ZNF423: variants seen among roughly 807,000 people sequenced by gnomAD.
ZNF423 encodes zinc finger protein 423.
In ZNF423, 12 loss-of-function variants were observed where a neutral mutation model predicts 95.8. That is an observed-to-expected ratio of 0.13 (90% CI 0.08 to 0.20). The LOEUF is 0.20. ZNF423 is among the 10% of genes least tolerant of loss of function. The pLI, the probability that ZNF423 is intolerant of heterozygous loss-of-function variation, is 1.00. For synonymous variants in ZNF423, 749 were observed against 711.9 expected (o/e 1.05, Z -0.83); for missense variants, 1,316 against 1,737.1 (o/e 0.76, Z 4.31).
intron 1 of ZNF423, among the ~76,000 whole-genome samples, chr16:49,806,086 G>A (rs144770727): frequency 1.1e-4 from 17 of 152,378 alleles, no homozygotes; most frequent in Admixed American, 3.9e-4. Flanking sequence ...GCATGGTCTC[G>A]TTAACCAGAA....
chr16:49,759,767 G>C (rs1234971420), intron 2 of ZNF423, among the ~76,000 whole-genome samples: 1 of 152,190 alleles, frequency 6.6e-6, no homozygotes, highest in Non-Finnish European at 1.5e-5. Flanking sequence ...CATTCCAAGT[G>C]TAAAGTCCTT....
chr16:49,561,327 T>C (rs1350340764), intron 5 of ZNF423, among the ~76,000 whole-genome samples: 1 of 152,190 alleles, frequency 6.6e-6, no homozygotes, highest in African/African-American at 2.4e-5. Context: ...TTACCAACTA[T>C]ATTGTAACTA....
intron 3 of ZNF423, among the ~76,000 whole-genome samples, chr16:49,723,756 G>A (rs12923105): frequency 0.13 from 20,372 of 152,224 alleles, 1,722 homozygotes; most frequent in Non-Finnish European, 0.19. Context: ...AGTGAGGGAA[G>A]GATCCAATTT....
At chr16:49,818,273 G>A (rs113254437) in intron 1 of ZNF423, among the ~76,000 whole-genome samples, 155 of 152,266 alleles carry the variant, frequency 1.0e-3, no homozygotes, top group African/African-American at 3.4e-3. Context: ...AGATGCCCGG[G>A]CGCCCACAGA....
intron 5 of ZNF423, among the ~76,000 whole-genome samples, chr16:49,600,849 C>G (rs562194829): frequency 6.6e-6 from 1 of 152,196 alleles, no homozygotes; most frequent in Admixed American, 6.5e-5. Context: ...AAATCACCGT[C>G]GCTCAGGAGG....
intron 1 of ZNF423, among the ~76,000 whole-genome samples, chr16:49,835,739 G>A (rs192354448): frequency 3.9e-5 from 6 of 152,288 alleles, no homozygotes; most frequent in African/African-American, 1.2e-4. Flanking sequence ...AGGAGGTGGT[G>A]GGGGGGCAGA....
intron 4 of ZNF423, among the ~76,000 whole-genome samples, chr16:49,630,137 G>A (rs1398978669): frequency 6.6e-6 from 1 of 152,172 alleles, no homozygotes; most frequent in African/African-American, 2.4e-5. Context: ...TAGGTAAGTC[G>A]GGGGCAGGGT....
At chr16:49,507,960 G>A (rs1300535323) in intron 7 of ZNF423, among the ~76,000 whole-genome samples, 2 of 152,210 alleles carry the variant, frequency 1.3e-5, no homozygotes, top group Non-Finnish European at 2.9e-5. Context: ...TGCCAGGCCT[G>A]ATTTATAGAA....
intron 3 of ZNF423, among the ~76,000 whole-genome samples, chr16:49,641,884 C>T (rs1313204211): frequency 1.3e-5 from 2 of 152,202 alleles, no homozygotes; most frequent in Non-Finnish European, 2.9e-5. Context: ...GACAGGGATC[C>T]TTCTGACATG....
At position 49,603,943 on chromosome 16, in the gene ZNF423, A is replaced by G. The variant is rs1971456249; in HGVS notation, c.3601+22227T>C. 6.6e-6 allele frequency among the ~76,000 whole-genome samples: 1 copy of G among 152,220 alleles called. No homozygotes were observed. The highest frequency in any genetic ancestry group is 2.1e-4 in the South Asian group (1 of 4,826). ...GAGAGCCCTGGGGACAGGCAAGGGCACAAGGATGCCAGAAATCTCCAAAGC... is the reference window on the plus strand; with the variant it reads ...GAGAGCCCTGGGGACAGGCAAGGGCGCAAGGATGCCAGAAATCTCCAAAGC... On this transcript the variant is annotated intron_variant, in intron 5 of 7. Transcript: ENST00000563137. The surrounding 1 kb of genome is among the most constrained non-coding windows in gnomAD (Gnocchi z 4.1).
chr16:49,804,944 G>C (rs1196808100), intron 1 of ZNF423, among the ~76,000 whole-genome samples: 1 of 136,964 alleles, frequency 7.3e-6, no homozygotes, highest in African/African-American at 2.8e-5. Context: ...CTGTCCCCCA[G>C]GCTGGAGTGC....
rs199542804 is a variant in ZNF423 at position 49,635,791 on chromosome 16, G to A, written c.3385C>T (p.Arg1129Cys). The change falls in exon 4 of 8, where the codon CGT becomes TGT. Residue 1129 changes from arginine to cysteine, a missense_variant. This residue lies in a region of ZNF423 where 620 missense variants were observed against 775.6 expected (regional missense o/e 0.80). Transcript: ENST00000563137. This position sits in a 1 kb window ranked among gnomAD's most constrained non-coding sequence, Gnocchi z 4.8. ...EPADRPCAGL[R>C]CPECSVKFES... ...AACTTGACACTGCACTCGGGGCAAC[G>A]GAGGCCGGCACAGGGCCGGTCGGCG... The A allele has an allele frequency of 2.5e-6, 4 of 1,612,430 alleles. No homozygotes were observed. The highest frequency in any genetic ancestry group is 1.1e-5 in the South Asian group (1 of 91,028).
chr16:49,738,425 C>T (rs2143465933), intron 2 of ZNF423, among the ~76,000 whole-genome samples: 1 of 152,282 alleles, frequency 6.6e-6, no homozygotes, highest in East Asian at 1.9e-4. Flanking sequence ...TTGACCAAGG[C>T]AAGTCCCCTA....
Position 49,491,225 on chromosome 16 carries a change from C to A in ZNF423, c.*50G>T. The A allele has an allele frequency of 6.2e-7, 1 of 1,612,632 alleles. No homozygotes were observed. Among genetic ancestry groups the A allele is most frequent in the Non-Finnish European group, 8.5e-7 (1 of 1,178,778 alleles). The stretch of plus-strand genomic sequence containing the variant: ...TGTAATGTTCAAATGGCCCTCCCCA[C>A]GGCGTCTCCGGCAAGCCTTCTGCGG... On this transcript the variant is annotated 3_prime_UTR_variant, in exon 8 of 8. Coordinates refer to ENST00000563137, the MANE Select transcript of ZNF423 (RefSeq NM_001379286.1).
At chr16:49,672,902 T>G (rs2030879321) in intron 3 of ZNF423, among the ~76,000 whole-genome samples, 1 of 151,954 alleles carries the variant, frequency 6.6e-6, no homozygotes, top group East Asian at 1.9e-4. Flanking sequence ...ATGTACCGAG[T>G]GTCCACAGCC....
At chr16:49,806,712 CT>C (rs2034668959) in intron 1 of ZNF423, among the ~76,000 whole-genome samples, 3 of 151,588 alleles carry the variant, frequency 2.0e-5, no homozygotes, top group South Asian at 4.2e-4. Flanking sequence ...CTTCCTCATA[CT>C]TTTTTTGTGG....
intron 1 of ZNF423, among the ~76,000 whole-genome samples, chr16:49,832,612 G>T (rs2035072707): frequency 2.0e-5 from 3 of 152,212 alleles, no homozygotes; most frequent in Admixed American, 2.0e-4. Flanking sequence ...GAGCAGTTAT[G>T]ACAGGTCAGA....
intron 1 of ZNF423, among the ~76,000 whole-genome samples, chr16:49,820,577 AT>A: frequency 6.6e-6 from 1 of 152,202 alleles, no homozygotes; most frequent in South Asian, 2.1e-4. Context: ...TTACTTTGAA[AT>A]TTTTGCTCTA....
intron 2 of ZNF423, among the ~76,000 whole-genome samples, chr16:49,746,020 G>T (rs1596960734): frequency 6.6e-6 from 1 of 152,216 alleles, no homozygotes; most frequent in East Asian, 1.9e-4. Context: ...GGGATCTGAG[G>T]AAGTACGTAA....
Sources: allele counts gnomAD v4.1 joint callset (sites outside exome capture counted in the v4.1 genomes callset), GRCh38; gene constraint gnomAD v4.1.1; regional missense constraint gnomAD v4.1.1; non-coding constraint Gnocchi (gnomAD v3.1); transcripts MANE v1.5; gene names NCBI Gene and HGNC (gene_info 2026-07-23, HGNC 2026-07-21).